The following PELI2 variants were observed in gnomAD, a reference collection of about 807,000 sequenced individuals.
The protein encoded by PELI2 is pellino E3 ubiquitin protein ligase family member 2.
PELI2 carries 23 observed loss-of-function variants against 42.3 expected under a neutral mutation model. The ratio of observed to expected loss-of-function variants is 0.54; its 90% CI spans 0.39 to 0.77. PELI2 has a LOEUF of 0.77. Among genes scored for constraint, PELI2 ranks in the 30% least tolerant of loss-of-function variants. PELI2 has a pLI of 0.00. For synonymous variants in PELI2, 245 were observed against 212.2 expected, an observed-to-expected ratio of 1.15 and a Z score of -1.34; for missense variants, 463 against 553.2, an observed-to-expected ratio of 0.84 and a Z score of 1.64.
At chr14:56,173,395 G>A (rs764657993) in intron 1 of PELI2, among the ~76,000 whole-genome samples, 46 of 147,452 alleles carry the variant, frequency 3.1e-4, no homozygotes, top group Non-Finnish European at 6.6e-4. Context: ...TTTTTGTAAG[G>A]TTTTTTTTTT....
intron 5 of PELI2, among the ~76,000 whole-genome samples, chr14:56,295,606 G>A (rs888546313): frequency 9.2e-5 from 14 of 152,170 alleles, no homozygotes; most frequent in Non-Finnish European, 1.3e-4. Flanking sequence ...TGTTGACTGC[G>A]TACCAGACAG....
intron 1 of PELI2, among the ~76,000 whole-genome samples, chr14:56,157,043 C>T (rs569607269): frequency 1.3e-5 from 2 of 152,306 alleles, no homozygotes; most frequent in African/African-American, 4.8e-5. Context: ...TAAAATATAA[C>T]ATGCTATTTG....
intron 1 of PELI2, among the ~76,000 whole-genome samples, chr14:56,127,514 A>AC (rs1883317996): frequency 6.6e-6 from 1 of 152,228 alleles, no homozygotes. Context: ...TCTCCTCCAC[A>AC]CCATGGAGAA....
At chr14:56,266,861 TAAAC>T (rs998780213) in intron 2 of PELI2, among the ~76,000 whole-genome samples, 37 of 152,186 alleles carry the variant, frequency 2.4e-4, no homozygotes, top group Middle Eastern at 6.8e-3. Flanking sequence ...ATGCATTAAA[TAAAC>T]CATGCTGCAT....
chr14:56,238,918 CAGGT>C (rs1887885054), intron 2 of PELI2, among the ~76,000 whole-genome samples: 1 of 152,136 alleles, frequency 6.6e-6, no homozygotes, highest in South Asian at 2.1e-4. Context: ...AGAAGAGTAA[CAGGT>C]AGGAAGGTAG....
At chr14:56,163,815 G>A (rs112776336) in intron 1 of PELI2, among the ~76,000 whole-genome samples, 5,064 of 152,006 alleles carry the variant, frequency 0.033, 134 homozygotes, top group Non-Finnish European at 0.052. Flanking sequence ...TTTATGTGTG[G>A]CTATTGTAAA....
In PELI2 at chr14:56,198,982, GTTC is replaced by G. The variant is rs1004903980; in HGVS notation, c.207+20524_207+20526del. Among the ~76,000 whole-genome samples, 108 of 151,952 alleles carry G rather than the reference GTTC, an allele frequency of 7.1e-4. 4 individuals carry two copies. The highest frequency in any genetic ancestry group is 6.2e-3 in the Admixed American group (94 of 15,282). On this transcript the variant is annotated intron_variant, in intron 2 of 5. Transcript: ENST00000267460. ...CTGTTCCTAATTTTGTATATTTTTT[GTTC>G]TTCTTTTCTTGCTTAAATAGCTTTT...
intron 5 of PELI2, among the ~76,000 whole-genome samples, chr14:56,292,357 C>T (rs1889856842): frequency 6.6e-6 from 1 of 152,184 alleles, no homozygotes; most frequent in Non-Finnish European, 1.5e-5. Flanking sequence ...TTGTTAACCT[C>T]TGGAGAACAG....
intron 1 of PELI2, 91 bp from the exon 2 acceptor site, chr14:56,178,244 C>T (rs571655710): frequency 9.7e-6 from 13 of 1,343,354 alleles, no homozygotes; most frequent in Middle Eastern, 3.8e-4. Context: ...TATGACCATT[C>T]CTGTCTTTTC....
At position 56,185,649 on chromosome 14, in the gene PELI2, A is replaced by C. The variant is rs370033981; in HGVS notation, c.207+7185A>C. Among the ~76,000 whole-genome samples, 21 of 152,344 alleles carry C rather than the reference A, an allele frequency of 1.4e-4. 1 individual carries two copies. Among genetic ancestry groups the C allele is most frequent in the Admixed American group, 8.5e-4 (13 of 15,306 alleles). ...ACTGAATACTTCAAGAAAGTAGAAG[A>C]GTTGCTTCATTATATCACAGTTTTG... On this transcript the variant is annotated intron_variant, in intron 2 of 5. Transcript: ENST00000267460.
At chr14:56,142,339 C>A (rs995002250) in intron 1 of PELI2, among the ~76,000 whole-genome samples, 1 of 152,136 alleles carries the variant, frequency 6.6e-6, no homozygotes, top group Non-Finnish European at 1.5e-5. Context: ...TCCCACCGAG[C>A]CATTAGGCTC....
intron 3 of PELI2, among the ~76,000 whole-genome samples, 182 bp downstream of exon 3, chr14:56,279,959 G>A (rs1889420487): frequency 6.6e-6 from 1 of 151,898 alleles, no homozygotes; most frequent in East Asian, 1.9e-4. Flanking sequence ...AATTGTAAAG[G>A]GAAATTATAA....
intron 1 of PELI2, chr14:56,119,065 T>G: frequency 1.4e-5 from 2 of 146,846 alleles, no homozygotes; most frequent in Non-Finnish European, 3.0e-5. Context: ...GGGCTCCACT[T>G]CCCGCGCGCC....
chr14:56,169,684 A>G (rs144856346), intron 1 of PELI2, among the ~76,000 whole-genome samples: 4 of 152,142 alleles, frequency 2.6e-5, no homozygotes, highest in Non-Finnish European at 5.9e-5. Context: ...GGTTCTCATG[A>G]AGGTGTTTTT....
intron 2 of PELI2, among the ~76,000 whole-genome samples, chr14:56,241,970 G>C (rs1260503808): frequency 6.6e-6 from 1 of 152,168 alleles, no homozygotes; most frequent in African/African-American, 2.4e-5. Flanking sequence ...TGAAGGAAAC[G>C]AGATCCAGCA....
At chr14:56,259,205 C>T (rs1176763809) in intron 2 of PELI2, among the ~76,000 whole-genome samples, 1 of 152,012 alleles carries the variant, frequency 6.6e-6, no homozygotes, top group Non-Finnish European at 1.5e-5. Context: ...AGCACACCTG[C>T]ACGACAAAAA....
rs1887050755 is a variant in PELI2, at chr14:56,219,663, G to A, written c.207+41199G>A. ...CTTGTTTATGGATGATTCTTAACTG[G>A]CTGATTATCCCATTTCTATTTCAGT... On this transcript the variant is annotated intron_variant, in intron 2 of 5. Transcript: ENST00000267460. This position sits in a 1 kb window ranked among gnomAD's most constrained non-coding sequence, Gnocchi z 4.1. Among the ~76,000 whole-genome samples, 1 of 152,150 alleles carries A rather than the reference G, an allele frequency of 6.6e-6. No homozygotes were observed. The highest frequency in any genetic ancestry group is 6.5e-5 in the Admixed American group (1 of 15,270).
chr14:56,160,151 C>T (rs1884705411), intron 1 of PELI2, among the ~76,000 whole-genome samples: 1 of 151,940 alleles, frequency 6.6e-6, no homozygotes, highest in African/African-American at 2.4e-5. Flanking sequence ...AGAGTGCTTG[C>T]CCAGGGATTA....
At chr14:56,159,289 C>T (rs1325426865) in intron 1 of PELI2, among the ~76,000 whole-genome samples, 1 of 152,188 alleles carries the variant, frequency 6.6e-6, no homozygotes, top group Non-Finnish European at 1.5e-5. Context: ...TGGTCTGGGT[C>T]TTCTCCAAGT....
Sources: gnomAD v4.1 joint callset for allele counts (sites outside exome capture counted in the v4.1 genomes callset) on GRCh38, gnomAD v4.1.1 for gene constraint, Gnocchi (gnomAD v3.1) non-coding constraint, MANE v1.5 for transcripts, NCBI Gene and HGNC (gene_info 2026-07-23, HGNC 2026-07-21) for gene names.